Variants in SLX4 observed in about 807,000 individuals in gnomAD.
SLX4 encodes the protein structure-specific endonuclease subunit SLX4.
In SLX4, 112 loss-of-function variants were observed where a neutral mutation model predicts 146.2. That is an observed-to-expected ratio of 0.77 (90% CI 0.66 to 0.90). SLX4 has a LOEUF of 0.90. Among genes scored for constraint, SLX4 ranks in the 40% least tolerant of loss-of-function variants. SLX4 has a pLI of 0.00. For synonymous variants in SLX4, 1,061 were observed against 997.7 expected (o/e 1.06, Z -1.20); for missense variants, 2,563 against 2,392.7 (o/e 1.07, Z -1.49).
In SLX4 at chr16:3,590,945, T is replaced by C. The variant is rs1225283523; in HGVS notation, c.2693A>G (p.Lys898Arg). Residue 898 changes from lysine (K) to arginine (R), a missense_variant, in exon 12 of 15, where the codon AAA becomes AGA. By Grantham distance (26) the Lys-to-Arg change is conservative (BLOSUM62 2). Coordinates refer to ENST00000294008, the MANE Select transcript of SLX4 (RefSeq NM_032444.4). This position sits in a 1 kb window ranked among gnomAD's most constrained non-coding sequence, Gnocchi z 4.8. The stretch of plus-strand genomic sequence containing the variant: ...CATCTCCTCCACCTTGTCCCACTGT[T>C]TCTGCACCTGGACACCTGCTAGGAG... ...GQLLAGVQVQ[K>R]QWDKVEEMEP... The C allele has an allele frequency of 1.2e-6, 2 of 1,614,046 alleles. No homozygotes were observed. The highest frequency in any genetic ancestry group is 1.7e-6 in the Non-Finnish European group (2 of 1,180,040).
rs747563780 is a variant in SLX4 at position 3,592,753 on chromosome 16, G to A, written c.2273C>T (p.Ala758Val). Reference sequence around the variant, plus strand: ...AAGGCCAGGAGGAAGGCCAGTGTCCGCAGTGTAGAGATAGTGCAGGAACGT... The same window carrying A: ...AAGGCCAGGAGGAAGGCCAGTGTCCACAGTGTAGAGATAGTGCAGGAACGT... Reference protein sequence around the residue: ...ARTFLHYLYTADTGLPPGLSS... With the variant: ...ARTFLHYLYTVDTGLPPGLSS... Residue 758 changes from alanine to valine, a missense_variant, in exon 11 of 15, where the codon GCG (alanine) becomes GTG (valine). Ala to Val is a moderately conservative substitution (Grantham distance 64, BLOSUM62 0). Transcript: ENST00000294008. The A allele has an allele frequency of 1.9e-5, 31 of 1,613,164 alleles. No individual in the cohort carries two copies. The highest frequency in any genetic ancestry group is 1.8e-4 in the Middle Eastern group (1 of 5,450).
rs758163209 is a variant in SLX4 at position 3,590,037 on chromosome 16, G to A, written c.3601C>T (p.Gln1201Ter). The change falls in exon 12 of 15, where the codon CAG becomes TAG. Residue 1201 changes from glutamine (Q) to a stop codon, truncating the protein, a stop_gained. Transcript: ENST00000294008. LOFTEE classifies it high-confidence loss of function. The surrounding 1 kb of genome is among the most constrained non-coding windows in gnomAD (Gnocchi z 4.8). The stretch of plus-strand genomic sequence containing the variant: ...CTTGGTGGGCTCTGGGAAGGTTCCT[G>A]ATCTGCATCAACATCAATGATGGAA... ...LFSIIDVDAD[Q>*]EPSQSPPRSE... 2.5e-6 allele frequency: 4 copies of A among 1,614,138 alleles called. No individual in the cohort carries two copies. The highest frequency in any genetic ancestry group is 2.2e-5 in the South Asian group (2 of 91,072).
In SLX4 at chr16:3,590,843, T is replaced by C. The variant is rs2040580768; in HGVS notation, c.2795A>G (p.Gln932Arg). ...KMGQCALPPP[Q>R]GQHSGARGAE... is the part of the protein sequence containing the mutation. Reference sequence around the variant, plus strand: ...TCCCCGTGCCCCTGAGTGCTGGCCCTGGGGTGGCGGGAGAGCGCACTGTCC... The same window carrying C: ...TCCCCGTGCCCCTGAGTGCTGGCCCCGGGGTGGCGGGAGAGCGCACTGTCC... Residue 932 changes from glutamine (Q) to arginine (R), a missense_variant, in exon 12 of 15, where the codon CAG becomes CGG. Gln to Arg is a conservative substitution (Grantham distance 43). Coordinates refer to ENST00000294008, the MANE Select transcript of SLX4 (RefSeq NM_032444.4). This position sits in a 1 kb window ranked among gnomAD's most constrained non-coding sequence, Gnocchi z 4.8. 1 of 1,614,000 alleles carries C rather than the reference T, an allele frequency of 6.2e-7. No individual in the cohort carries two copies. The highest frequency in any genetic ancestry group is 1.3e-5 in the African/African-American group (1 of 74,920).
rs1367462435 is a variant in SLX4 at position 3,600,972 on chromosome 16, G to A, written c.1163+7C>T. 3.1e-6 allele frequency: 5 copies of A among 1,612,840 alleles called. No individual in the cohort carries two copies. Among genetic ancestry groups the A allele is most frequent in the Admixed American group, 1.7e-5 (1 of 59,976 alleles). On this transcript the variant is annotated splice_region_variant and intron_variant, in intron 5 of 14. Coordinates refer to ENST00000294008, the MANE Select transcript of SLX4 (RefSeq NM_032444.4). ...TGGCTTGGTTTTCTTCCTTTTCGTC[G>A]ACTTACCTGAACATGGGTGGGCTGC...
At chr16:3,593,196 C>G (rs766685826) in intron 10 of SLX4, among the ~76,000 whole-genome samples, 1 of 152,138 alleles carries the variant, frequency 6.6e-6, no homozygotes, top group East Asian at 1.9e-4. Flanking sequence ...CTCAGCCTCC[C>G]GAGTAGCTGG....
intron 8 of SLX4, 105 bp from the exon 9 acceptor site, chr16:3,595,798 G>T: frequency 1.5e-6 from 2 of 1,310,820 alleles, no homozygotes; most frequent in African/African-American, 1.5e-5. Flanking sequence ...CGGTGCCTCG[G>T]AAGGTGCTTG....
At chr16:3,601,782 T>C (rs147945226) in intron 4 of SLX4, 96 of 352,848 alleles carry the variant, frequency 2.7e-4, no homozygotes, top group African/African-American at 1.9e-3. Context: ...AGAATGTTGA[T>C]TAGTGGTTGT....
chr16:3,596,189 C>T lies in SLX4; in HGVS notation c.1888G>A (p.Gly630Ser), dbSNP rs376620029. Residue 630 changes from glycine to serine, a missense_variant, in exon 8 of 15, where the codon GGC becomes AGC. Gly to Ser is a moderately conservative substitution (Grantham distance 56, BLOSUM62 0). Transcript: ENST00000294008. ...TCCGAGCCAGCCAGGCCCCCACTGCCGGGCCACGGGCTGGCGCTCAGTCCC... is the reference window on the plus strand; with the variant it reads ...TCCGAGCCAGCCAGGCCCCCACTGCTGGGCCACGGGCTGGCGCTCAGTCCC... ...REGLSASPWP[G>S]SGGLAGSEGT... The T allele has an allele frequency of 2.0e-5, 31 of 1,550,824 alleles. No homozygotes were observed. Among genetic ancestry groups the T allele is most frequent in the Admixed American group, 3.8e-5 (2 of 51,992 alleles).
Position 3,585,503 on chromosome 16 carries a change from G to A in SLX4, c.4637-632C>T, listed in dbSNP as rs948975144. On this transcript the variant is annotated intron_variant, in intron 12 of 14. Transcript: ENST00000294008. ...TGGGAGGCTGAGGCAGGAGAATGGCGTGAACCTGGGAGGCGGAGCTTGCAG... is the reference window on the plus strand; with the variant it reads ...TGGGAGGCTGAGGCAGGAGAATGGCATGAACCTGGGAGGCGGAGCTTGCAG... 2.6e-4 allele frequency among the ~76,000 whole-genome samples: 39 copies of A among 150,414 alleles called. 1 individual carries two copies. The highest frequency in any genetic ancestry group is 6.9e-3 in the Middle Eastern group (2 of 290).
At chr16:3,610,031 C>G (rs534814863) in intron 1 of SLX4, among the ~76,000 whole-genome samples, 205 of 152,338 alleles carry the variant, frequency 1.3e-3, no homozygotes, top group Non-Finnish European at 2.3e-3. Flanking sequence ...CTTATCTTCT[C>G]AACCCAGCAA....
chr16:3,605,544 C>T lies in SLX4; in HGVS notation c.760+930G>A, dbSNP rs550704020. Among the ~76,000 whole-genome samples, 6 of 151,694 alleles carry T rather than the reference C, an allele frequency of 4.0e-5. No homozygotes were observed. In the East Asian group the frequency reaches 1.2e-3, roughly 30 times the overall value. On this transcript the variant is annotated intron_variant, in intron 3 of 14. Coordinates refer to ENST00000294008, the MANE Select transcript of SLX4 (RefSeq NM_032444.4). ...GGCTTCATTGTAATTAAAACAACAA[C>T]AACAAAAAAACCTTTTCTGAAAGGA... is the stretch of plus-strand genomic sequence containing the variant.
In SLX4 at chr16:3,597,282, A is replaced by G; in HGVS notation, c.1683+97T>C. 7.3e-7 allele frequency: 1 copy of G among 1,374,112 alleles called. No individual in the cohort carries two copies. Among genetic ancestry groups the G allele is most frequent in the South Asian group, 1.5e-5 (1 of 66,540 alleles). 85.1% of individuals were successfully genotyped at this position (1,374,112 alleles called of 1,614,324 possible). A position where few individuals can be genotyped will look rare whatever the true frequency, so the allele number is the denominator to read the frequency against. ...TCCCGCCTCTGCCTTTCCTTCCTGGACTTTCCATCACCTGGCTGTGGGTAC... is the reference window on the plus strand; with the variant it reads ...TCCCGCCTCTGCCTTTCCTTCCTGGGCTTTCCATCACCTGGCTGTGGGTAC... On this transcript the variant is annotated intron_variant, in intron 7 of 14. Transcript: ENST00000294008. The surrounding 1 kb of genome is among the most constrained non-coding windows in gnomAD (Gnocchi z 4.4).
intron 12 of SLX4, among the ~76,000 whole-genome samples, chr16:3,585,421 T>G (rs974612073): frequency 6.6e-6 from 1 of 151,634 alleles, no homozygotes; most frequent in African/African-American, 2.4e-5. Context: ...CCCGTCTCTA[T>G]TAAAAATACA....
At chr16:3,600,827 C>A in intron 5 of SLX4, 152 bp downstream of exon 5, 1 of 747,878 alleles carries the variant, frequency 1.3e-6, no homozygotes, top group East Asian at 2.7e-5. Context: ...AACTCCTGAT[C>A]TAAGGTGATC....
rs778738306 is a variant in SLX4, at chr16:3,606,673, C to G, written c.561G>C (p.Gln187His). ...TRENVPNSDS[Q>H]PPPSCLTTAV... ...CTGTTGTCAAACAGGAAGGAGGAGGCTGGGAGTCGCTGTTGGGCACATTCT... is the reference window on the plus strand; with the variant it reads ...CTGTTGTCAAACAGGAAGGAGGAGGGTGGGAGTCGCTGTTGGGCACATTCT... The change falls in exon 3 of 15, where the codon CAG becomes CAC. Residue 187 changes from glutamine to histidine, a missense_variant. Gln to His is a conservative substitution (Grantham distance 24, BLOSUM62 0). Coordinates refer to ENST00000294008, the MANE Select transcript of SLX4 (RefSeq NM_032444.4). 2.5e-6 allele frequency: 4 copies of G among 1,614,114 alleles called. No homozygotes were observed. The highest frequency in any genetic ancestry group is 3.4e-6 in the Non-Finnish European group (4 of 1,180,044).
Position 3,595,818 on chromosome 16 carries a change from G to T in SLX4, c.1925-125C>A, listed in dbSNP as rs578021960. ...CCTCGGAAGGTGCTTGCTATCCGAG[G>T]ACACCTTCATGCAAAGCAAACCCGC... On this transcript the variant is annotated intron_variant, in intron 8 of 14. Transcript: ENST00000294008. 1,711 of 1,135,262 alleles carry T rather than the reference G, an allele frequency of 1.5e-3. 25 individuals carry two copies. Among genetic ancestry groups the T allele is most frequent in the South Asian group, 5.9e-3 (448 of 76,222 alleles). 70.3% of individuals were successfully genotyped at this position (1,135,262 alleles called of 1,614,324 possible).
intron 12 of SLX4, among the ~76,000 whole-genome samples, chr16:3,585,275 A>G (rs933952154): frequency 6.6e-6 from 1 of 152,310 alleles, no homozygotes; most frequent in East Asian, 1.9e-4. Flanking sequence ...TCATCAATTT[A>G]AAAAAACCCA....
chr16:3,584,260 A>C (rs543140436), intron 13 of SLX4, among the ~76,000 whole-genome samples: 16 of 152,196 alleles, frequency 1.1e-4, no homozygotes, highest in African/African-American at 2.6e-4. Context: ...GTCTCTACTA[A>C]AAATACAACA....
chr16:3,596,072 C>T, intron 8 of SLX4, 81 bp downstream of exon 8: 5 of 1,501,326 alleles, frequency 3.3e-6, no homozygotes, highest in Non-Finnish European at 4.4e-6. Context: ...GGCACAAGAG[C>T]CAGTCCATGG....
Sources: allele counts gnomAD v4.1 joint callset (sites outside exome capture counted in the v4.1 genomes callset), GRCh38; gene constraint gnomAD v4.1.1; non-coding constraint Gnocchi (gnomAD v3.1); transcripts MANE v1.5; gene names NCBI Gene and HGNC (gene_info 2026-07-23, HGNC 2026-07-21).